The following NAALAD2 variants were observed in gnomAD, a reference collection of about 807,000 sequenced individuals.
The protein encoded by NAALAD2 is N-acetylated alpha-linked acidic dipeptidase 2, also known as N-acetylated-alpha-linked acidic dipeptidase 2.
NAALAD2 carries 89 observed loss-of-function variants against 95.6 expected under a neutral mutation model. The ratio of observed to expected loss-of-function variants is 0.93; its 90% CI spans 0.78 to 1.11. The LOEUF (loss-of-function observed/expected upper bound fraction) is 1.11, where lower values mean the gene tolerates loss of function less well. NAALAD2 is among the 50% of genes least tolerant of loss of function. NAALAD2 has a pLI of 0.00. For missense variants in NAALAD2, 894 were observed against 872.4 expected (o/e 1.02, Z -0.31); for synonymous variants, 264 against 294.4 (o/e 0.90, Z 1.06).
Position 90,163,023 on chromosome 11 carries a change from C to T in NAALAD2, c.1064C>T (p.Ser355Phe). 1 of 1,560,430 alleles carries T rather than the reference C, an allele frequency of 6.4e-7. No individual in the cohort carries two copies. Among genetic ancestry groups the T allele is most frequent in the Non-Finnish European group, 8.7e-7 (1 of 1,148,570 alleles). ...AATGTAGTTGGAACTATCAGAGGAT[C>T]TGTGGAACCTGGTGAGTCACATAAT... ...IYNVVGTIRGSVEPDRYVILG... is the reference protein window; with the variant it reads ...IYNVVGTIRGFVEPDRYVILG... The change falls in exon 9 of 19, where the codon TCT (serine) becomes TTT (phenylalanine). Residue 355 changes from serine (S) to phenylalanine (F), a missense_variant. Ser to Phe is a radical substitution (Grantham distance 155). Transcript: ENST00000534061.
At chr11:90,188,773 A>G (rs913709175) in intron 18 of NAALAD2, among the ~76,000 whole-genome samples, 1 of 152,244 alleles carries the variant, frequency 6.6e-6, no homozygotes, top group African/African-American at 2.4e-5. Flanking sequence ...CTATCACAAC[A>G]AAGGCAAATA....
At chr11:90,167,069 G>A (rs1952477273) in intron 11 of NAALAD2, among the ~76,000 whole-genome samples, 1 of 152,204 alleles carries the variant, frequency 6.6e-6, no homozygotes, top group African/African-American at 2.4e-5. Context: ...CGCCTCCTCG[G>A]CCTTGGCGCC....
intron 13 of NAALAD2, among the ~76,000 whole-genome samples, chr11:90,171,387 C>A (rs756364122): frequency 5.3e-5 from 8 of 152,176 alleles, no homozygotes; most frequent in Non-Finnish European, 1.0e-4. Context: ...AATGCTCTCA[C>A]CATCTTGGGT....
Position 90,187,570 on chromosome 11 carries a change from A to G in NAALAD2, c.2034-3988A>G, listed in dbSNP as rs11018902. 2.6e-4 allele frequency among the ~76,000 whole-genome samples: 39 copies of G among 152,234 alleles called. No individual in the cohort carries two copies. The East Asian group carries it at 7.5e-3, about 29-fold the overall frequency. ...CTGCTAAGATAAATGTAGCTATAAT[A>G]GCAATTCCAGCTACCCAGAATTTCT... is the stretch of plus-strand genomic sequence containing the variant. On this transcript the variant is annotated intron_variant, in intron 18 of 18. Coordinates refer to ENST00000534061, the MANE Select transcript of NAALAD2 (RefSeq NM_005467.4).
intron 18 of NAALAD2, among the ~76,000 whole-genome samples, chr11:90,187,091 T>A (rs1182554377): frequency 6.6e-6 from 1 of 152,016 alleles, no homozygotes; most frequent in Non-Finnish European, 1.5e-5. Context: ...TCACTGGCCA[T>A]CAGAGAAATG....
intron 18 of NAALAD2, among the ~76,000 whole-genome samples, chr11:90,189,869 A>G (rs1027215573): frequency 2.0e-5 from 3 of 152,196 alleles, no homozygotes; most frequent in Non-Finnish European, 4.4e-5. Context: ...AGTGTTGACC[A>G]TATTCTCTAG....
chr11:90,169,314 G>T, intron 12 of NAALAD2: 1 of 190,874 alleles, frequency 5.2e-6, no homozygotes, highest in Non-Finnish European at 1.1e-5. Context: ...AGATATTAAT[G>T]GAATTTGGCT....
intron 2 of NAALAD2, among the ~76,000 whole-genome samples, chr11:90,136,611 C>A (rs1951459033): frequency 6.6e-6 from 1 of 152,078 alleles, no homozygotes; most frequent in Non-Finnish European, 1.5e-5. Flanking sequence ...TTGTTGCATG[C>A]ATTAGTAGTT....
Position 90,144,412 on chromosome 11 carries a change from G to A in NAALAD2, c.195-2918G>A, listed in dbSNP as rs573996052. Among the ~76,000 whole-genome samples the A allele has an allele frequency of 1.7e-4, 26 of 152,174 alleles. No individual in the cohort carries two copies. The East Asian group carries it at 4.6e-3, about 27-fold the overall frequency. ...GGGATCATGGAAAATAAAACAGCCG[G>A]CATGTGAGCAGGGTCCTCAGAGGAA... On this transcript the variant is annotated intron_variant, in intron 2 of 18. Coordinates refer to ENST00000534061, the MANE Select transcript of NAALAD2 (RefSeq NM_005467.4).
intron 4 of NAALAD2, among the ~76,000 whole-genome samples, chr11:90,150,123 C>T (rs533469412): frequency 3.3e-5 from 5 of 152,058 alleles, no homozygotes; most frequent in Admixed American, 6.5e-5. Flanking sequence ...GGCATGGTGG[C>T]GCATGTCTGT....
intron 5 of NAALAD2, among the ~76,000 whole-genome samples, chr11:90,151,717 TTTAGTATCTCACAGGGTACA>T (rs1312604175): frequency 1.3e-5 from 2 of 152,188 alleles, no homozygotes; most frequent in East Asian, 3.8e-4. Flanking sequence ...TGAAGAAGAA[TTTAGTATCTCACAGGGTACA>T]TTTTCCTATT....
At chr11:90,135,043 G>A in intron 1 of NAALAD2, 1 of 554,418 alleles carries the variant, frequency 1.8e-6, no homozygotes, top group Non-Finnish European at 3.2e-6. Flanking sequence ...AAGTGTGCTT[G>A]AAATTCAAAT....
chr11:90,176,144 A>G (rs1228204144), intron 15 of NAALAD2, 82 bp downstream of exon 15: 16 of 1,045,106 alleles, frequency 1.5e-5, no homozygotes, highest in Non-Finnish European at 2.2e-5. Flanking sequence ...GTTTGGCACC[A>G]GACACCTGGT....
chr11:90,181,234 G>A (rs1016782077), intron 16 of NAALAD2, among the ~76,000 whole-genome samples: 2 of 151,656 alleles, frequency 1.3e-5, no homozygotes, highest in African/African-American at 4.9e-5. Flanking sequence ...ACAAGAATTG[G>A]TATTTTTTTT....
rs189428951 is a variant in NAALAD2 at position 90,178,091 on chromosome 11, A to T, written c.1832A>T (p.Gln611Leu). The T allele has an allele frequency of 6.2e-7, 1 of 1,612,692 alleles. No individual in the cohort carries two copies. Among genetic ancestry groups the T allele is most frequent in the East Asian group, 2.2e-5 (1 of 44,802 alleles). ...AATCTATCTAAGAAACATGATCAAC[A>T]ATTGACAGACCATGGAGTATCATTT... ...IYNLSKKHDQQLTDHGVSFDS... is the reference protein window; with the variant it reads ...IYNLSKKHDQLLTDHGVSFDS... The change falls in exon 16 of 19, where the codon CAA (glutamine) becomes CTA (leucine). Residue 611 changes from glutamine to leucine, a missense_variant. By Grantham distance (113) the Gln-to-Leu change is moderately radical (BLOSUM62 -2). Transcript: ENST00000534061.
intron 2 of NAALAD2, among the ~76,000 whole-genome samples, chr11:90,145,448 C>G (rs543646915): frequency 1.3e-3 from 202 of 152,194 alleles, no homozygotes; most frequent in Non-Finnish European, 2.4e-3. Context: ...CATATCTGCT[C>G]TATGTAGAAA....
At chr11:90,167,256 G>A (rs1047984515) in intron 11 of NAALAD2, among the ~76,000 whole-genome samples, 6 of 152,182 alleles carry the variant, frequency 3.9e-5, no homozygotes, top group East Asian at 1.9e-4. Flanking sequence ...CCGGGTGGGC[G>A]TGGGCTCAGC....
At chr11:90,155,362 AAT>A (rs1385966498) in intron 6 of NAALAD2, among the ~76,000 whole-genome samples, 4 of 94,884 alleles carry the variant, frequency 4.2e-5, no homozygotes, top group Non-Finnish European at 7.9e-5. Context: ...TTACATGTAT[AAT>A]ATGTAATATT....
chr11:90,139,426 A>G (rs1951546605), intron 2 of NAALAD2, among the ~76,000 whole-genome samples: 1 of 152,114 alleles, frequency 6.6e-6, no homozygotes, highest in Admixed American at 6.6e-5. Context: ...TACCCTTTGT[A>G]GCATCCCCCT....
Sources: allele counts gnomAD v4.1 joint callset (sites outside exome capture counted in the v4.1 genomes callset), GRCh38; gene constraint gnomAD v4.1.1; transcripts MANE v1.5; gene names NCBI Gene and HGNC (gene_info 2026-07-23, HGNC 2026-07-21).